SH3TC1: variants seen among roughly 807,000 people sequenced by gnomAD.
SH3TC1 encodes SH3 domain and tetratricopeptide repeats 1.
In SH3TC1, 135 loss-of-function variants were observed where a neutral mutation model predicts 117.3. That is an observed-to-expected ratio of 1.15 (90% CI 1.00 to 1.33). The LOEUF (loss-of-function observed/expected upper bound fraction) is 1.33, where lower values mean the gene tolerates loss of function less well. SH3TC1 is among the 40% of genes most tolerant of loss of function. SH3TC1 has a pLI of 0.00. For missense variants in SH3TC1, 2,092 were observed against 1,794.3 expected (o/e 1.17, Z -3.00); for synonymous variants, 898 against 816.9 (o/e 1.10, Z -1.69).
In SH3TC1 at chr4:8,206,573, A is replaced by C. The variant is rs1430650789; in HGVS notation, c.172+1207A>C. ...GTGTTTCCTCCTCCGGAGGCTCAGC[A>C]AAGCACCGTGGCATCGCCTCTCCCT... On this transcript the variant is annotated intron_variant, in intron 2 of 17. Transcript: ENST00000245105. This position sits in a 1 kb window ranked among gnomAD's most constrained non-coding sequence, Gnocchi z 5.5. 6.6e-6 allele frequency among the ~76,000 whole-genome samples: 1 copy of C among 152,074 alleles called. No individual in the cohort carries two copies. Among genetic ancestry groups the C allele is most frequent in the Non-Finnish European group, 1.5e-5 (1 of 68,000 alleles).
intron 1 of SH3TC1, among the ~76,000 whole-genome samples, chr4:8,189,782 G>A (rs1280171745): frequency 6.6e-6 from 1 of 152,188 alleles, no homozygotes; most frequent in African/African-American, 2.4e-5. Flanking sequence ...GCAGCCTGGG[G>A]ACCTCAGTGA....
At chr4:8,212,233 A>G (rs368805341) in intron 3 of SH3TC1, among the ~76,000 whole-genome samples, 2 of 151,000 alleles carry the variant, frequency 1.3e-5, no homozygotes, top group Admixed American at 6.6e-5. Context: ...GGGTGCCCCC[A>G]TGGTCCCAGA....
chr4:8,227,792 GC>G lies in SH3TC1; in HGVS notation c.2102del (p.Pro701GlnfsTer27). ...GCTGCTTTTGCACAGGGACTCGGGA[GC>G]CCCAGAGGCCGCGTGGCTCTCAGAC... ...RLLLLHRDSG[A>X]PEAAWLSDCY... On this transcript the variant is annotated frameshift_variant, in exon 12 of 18. Transcript: ENST00000245105. LOFTEE classifies it high-confidence loss of function. 1 of 1,612,748 alleles carries G rather than the reference GC, an allele frequency of 6.2e-7. No individual in the cohort carries two copies. Among genetic ancestry groups the G allele is most frequent in the Non-Finnish European group, 8.5e-7 (1 of 1,179,954 alleles).
In SH3TC1 at chr4:8,203,548, T is replaced by G. The variant is rs371915370; in HGVS notation, c.-28-1619T>G. 9.2e-5 allele frequency among the ~76,000 whole-genome samples: 14 copies of G among 152,120 alleles called. No individual in the cohort carries two copies. In the South Asian group the frequency reaches 1.2e-3, roughly 14 times the overall value. On this transcript the variant is annotated intron_variant, in intron 1 of 17. Transcript: ENST00000245105. ...GAAACTGGGCTCCATCTGTGCTTGA[T>G]GTATGGTGAGATTTTCCGTGCTGCT...
chr4:8,234,398 A>G (rs2152996727), intron 14 of SH3TC1, among the ~76,000 whole-genome samples: 1 of 151,666 alleles, frequency 6.6e-6, no homozygotes, highest in East Asian at 2.0e-4. Flanking sequence ...ATCCATATGT[A>G]CATACATACA....
rs1717394041 is a variant in SH3TC1 at position 8,190,774 on chromosome 4, G to A, written c.-57+8564G>A. Among the ~76,000 whole-genome samples, 1 of 152,158 alleles carries A rather than the reference G, an allele frequency of 6.6e-6. No homozygotes were observed. The highest frequency in any genetic ancestry group is 2.1e-4 in the South Asian group (1 of 4,824). On this transcript the variant is annotated intron_variant, in intron 1 of 16. Transcript: ENST00000508641. The surrounding 1 kb of genome is among the most constrained non-coding windows in gnomAD (Gnocchi z 4.7). ...TCCCACCTCAGCCTCCCGAGCAGCT[G>A]GGACTACAGGCACGCACCACCATGC...
Position 8,228,465 on chromosome 4 carries a change from A to T in SH3TC1, c.2771A>T (p.His924Leu). 1 of 1,608,168 alleles carries T rather than the reference A, an allele frequency of 6.2e-7. No individual in the cohort carries two copies. The highest frequency in any genetic ancestry group is 8.5e-7 in the Non-Finnish European group (1 of 1,177,730). The change falls in exon 12 of 18, where the codon CAC becomes CTC. Residue 924 changes from histidine to leucine, a missense_variant. Physicochemically the swap from His to Leu is moderately conservative, Grantham distance 99 (BLOSUM62 -3). Coordinates refer to ENST00000245105, the MANE Select transcript of SH3TC1 (RefSeq NM_018986.5). Reference protein sequence around the residue: ...LHAGASRLAQHYLLEAVRLFS... With the variant: ...LHAGASRLAQLYLLEAVRLFS... ...GCGGGTGCCAGCAGGCTGGCCCAGC[A>T]CTACCTCCTGGAGGCCGTGCGGCTG...
chr4:8,217,182 T>C lies in SH3TC1; in HGVS notation c.839+15T>C, dbSNP rs1163112631. 1 of 1,587,834 alleles carries C rather than the reference T, an allele frequency of 6.3e-7. No homozygotes were observed. Among genetic ancestry groups the C allele is most frequent in the South Asian group, 1.1e-5 (1 of 88,006 alleles). ...CCATTTCATCAGTAGGTACCGGCCT[T>C]TGCTGCTCTGAGAGCTGTTGGCCTC... On this transcript the variant is annotated intron_variant, in intron 7 of 17. Transcript: ENST00000245105.
chr4:8,225,200 G>A lies in SH3TC1; in HGVS notation c.1269G>A (p.Glu423=), dbSNP rs749489547. ...SLDSVEEAET[E]QPQEKEIPPP... is the part of the protein sequence containing the mutation. ...ACTCAGTAGAGGAAGCTGAGACCGA[G>A]CAGCCGCAGGAAAAAGGTGGGTTTT... The change falls in exon 11 of 18, where the codon GAG becomes GAA. Residue 423 remains glutamate, a synonymous_variant. Transcript: ENST00000245105. The surrounding 1 kb of genome is among the most constrained non-coding windows in gnomAD (Gnocchi z 5.5). 2 of 1,613,808 alleles carry A rather than the reference G, an allele frequency of 1.2e-6. No individual in the cohort carries two copies. Among genetic ancestry groups the A allele is most frequent in the East Asian group, 2.2e-5 (1 of 44,878 alleles).
In SH3TC1 at chr4:8,214,599, C is replaced by T. The variant is rs780054628; in HGVS notation, c.481+19C>T. ...GCTCTCGGTAAAGAGGTGACCCTCCCAGAATTGGTCATGGGGACGCCCGTC... is the reference window on the plus strand; with the variant it reads ...GCTCTCGGTAAAGAGGTGACCCTCCTAGAATTGGTCATGGGGACGCCCGTC... On this transcript the variant is annotated intron_variant, in intron 5 of 17. Transcript: ENST00000245105. 2 of 1,604,028 alleles carry T rather than the reference C, an allele frequency of 1.2e-6. No individual in the cohort carries two copies. The highest frequency in any genetic ancestry group is 2.2e-5 in the East Asian group (1 of 44,832).
At position 8,219,433 on chromosome 4, in the gene SH3TC1, G is replaced by A. The variant is rs1399866637; in HGVS notation, c.1015G>A (p.Val339Met). ...GDLIEILGAQ[V>M]PSLPWCVGRH... is the part of the protein sequence containing the mutation. ...CCTCATCGAGATCCTTGGGGCGCAG[G>A]TGCCCAGCCTGCCCTGGTGCGTGGG... Residue 339 changes from valine (V) to methionine (M), a missense_variant, in exon 9 of 18, where the codon GTG (valine) becomes ATG (methionine). Val to Met is a conservative substitution (Grantham distance 21, BLOSUM62 1). Coordinates refer to ENST00000245105, the MANE Select transcript of SH3TC1 (RefSeq NM_018986.5). The A allele has an allele frequency of 6.2e-7, 1 of 1,611,650 alleles. No homozygotes were observed. Among genetic ancestry groups the A allele is most frequent in the South Asian group, 1.1e-5 (1 of 90,992 alleles).
rs1380054321 is a variant in SH3TC1, at chr4:8,234,495, CCATCCATCCATT to C, written c.3283-933_3283-922del. ...TCAACCCATCCATCCATCCATCCAC[CCATCCATCCATT>C]CATCTGTCCATCCGTCCGTCCATCC... On this transcript the variant is annotated intron_variant, in intron 14 of 17. Coordinates refer to ENST00000245105, the MANE Select transcript of SH3TC1 (RefSeq NM_018986.5). 3.1e-3 allele frequency among the ~76,000 whole-genome samples: 91 copies of C among 29,124 alleles called. 1 individual carries two copies. Among genetic ancestry groups the C allele is most frequent in the African/African-American group, 8.1e-3 (81 of 9,940 alleles). The allele number at this position is 29,124 out of a possible 152,430, so 19.1% of individuals were successfully genotyped here.
chr4:8,234,582 CCCATCCAT>C (rs369852001), intron 14 of SH3TC1, among the ~76,000 whole-genome samples: 79 of 76,718 alleles, frequency 1.0e-3, no homozygotes, highest in African/African-American at 2.3e-3. Flanking sequence ...CATCCATCCA[CCCATCCAT>C]CCATCCATCC....
At chr4:8,204,548 T>C (rs1319713550) in intron 1 of SH3TC1, among the ~76,000 whole-genome samples, 1 of 152,112 alleles carries the variant, frequency 6.6e-6, no homozygotes, top group Admixed American at 6.5e-5. Flanking sequence ...GACCAAGCCC[T>C]CCCTTTGGGG....
chr4:8,215,302 C>G (rs1462035368), intron 5 of SH3TC1: 4 of 452,578 alleles, frequency 8.8e-6, no homozygotes, highest in South Asian at 3.1e-5. Context: ...TCTAACGGAG[C>G]CTCCCTGGGG....
intron 3 of SH3TC1, among the ~76,000 whole-genome samples, chr4:8,211,016 T>C (rs1007132864): frequency 2.6e-5 from 4 of 151,064 alleles, no homozygotes; most frequent in Non-Finnish European, 4.4e-5. Context: ...CCTCCCATTT[T>C]CTCCCCTCTC....
chr4:8,202,772 G>A (rs993199744), intron 1 of SH3TC1, among the ~76,000 whole-genome samples: 1 of 152,190 alleles, frequency 6.6e-6, no homozygotes, highest in African/African-American at 2.4e-5. Flanking sequence ...GCCAGAGCTA[G>A]GGGACCCTCT....
In SH3TC1 at chr4:8,200,264, T is replaced by C. The variant is rs113525156; in HGVS notation, c.-29+859T>C. On this transcript the variant is annotated intron_variant, in intron 1 of 17. Transcript: ENST00000245105. ...GGCAGCGGGGCTGCGGCTGAGCTTG[T>C]GGCTGGAGGCAAGGCTGGGCCCGAG... is the stretch of plus-strand genomic sequence containing the variant. 9.4e-3 allele frequency among the ~76,000 whole-genome samples: 1,424 copies of C among 152,256 alleles called. 20 individuals carry two copies. The highest frequency in any genetic ancestry group is 0.032 in the African/African-American group (1,349 of 41,546).
rs1373086422 is a variant in SH3TC1 at position 8,206,935 on chromosome 4, A to G, written c.172+1569A>G. Among the ~76,000 whole-genome samples the G allele has an allele frequency of 2.0e-5, 3 of 151,990 alleles. No individual in the cohort carries two copies. The highest frequency in any genetic ancestry group is 4.8e-5 in the African/African-American group (2 of 41,350). ...TGCCCCTTCATCCTAAAAGGTGTCC[A>G]TATTTCCTAAAACCAGTACATTCTC... On this transcript the variant is annotated intron_variant, in intron 2 of 17. Coordinates refer to ENST00000245105, the MANE Select transcript of SH3TC1 (RefSeq NM_018986.5). The surrounding 1 kb of genome is among the most constrained non-coding windows in gnomAD (Gnocchi z 5.5).
Sources: allele counts gnomAD v4.1 joint callset (sites outside exome capture counted in the v4.1 genomes callset), GRCh38; gene constraint gnomAD v4.1.1; non-coding constraint Gnocchi (gnomAD v3.1); transcripts MANE v1.5; gene names NCBI Gene and HGNC (gene_info 2026-07-23, HGNC 2026-07-21).